ABHD3: variants seen among roughly 807,000 people sequenced by gnomAD.
ABHD3 encodes phospholipase ABHD3.
In ABHD3, 46 loss-of-function variants were observed where a neutral mutation model predicts 48.8. That is an observed-to-expected ratio of 0.94 (90% CI 0.74 to 1.20). The LOEUF (loss-of-function observed/expected upper bound fraction) is 1.20, where lower values mean the gene tolerates loss of function less well. Ranked by LOEUF, ABHD3 falls within the 50% of genes most tolerant of loss-of-function variation. ABHD3 has a pLI of 0.00. For synonymous variants in ABHD3, 192 were observed against 183.7 expected (o/e 1.04, Z -0.36); for missense variants, 490 against 497.8 (o/e 0.98, Z 0.15).
At position 21,656,902 on chromosome 18, in the gene ABHD3, A is replaced by C; in HGVS notation, c.1016T>G (p.Leu339Trp). Reference protein sequence around the residue: ...PRLKSVGIPVLCLNSVDDVFS... With the variant: ...PRLKSVGIPVWCLNSVDDVFS... ...AACATCATCCACAGAATTTAGACAC[A>C]ATACTGGAATTCCTACTGACTTCAG... Residue 339 changes from leucine to tryptophan, a missense_variant, in exon 8 of 9, where the codon TTG becomes TGG. Coordinates refer to ENST00000289119, the MANE Select transcript of ABHD3 (RefSeq NM_138340.5). 6.2e-7 allele frequency: 1 copy of C among 1,612,664 alleles called. No homozygotes were observed. The highest frequency in any genetic ancestry group is 1.3e-5 in the African/African-American group (1 of 75,020).
chr18:21,691,065 T>C (rs1437859528), intron 3 of ABHD3, among the ~76,000 whole-genome samples: 2 of 145,406 alleles, frequency 1.4e-5, no homozygotes, highest in Non-Finnish European at 3.0e-5. Flanking sequence ...TTAAATACAA[T>C]GACATAGATA....
chr18:21,655,435 T>C (rs1033322950), intron 8 of ABHD3, among the ~76,000 whole-genome samples: 2 of 151,850 alleles, frequency 1.3e-5, no homozygotes, highest in Admixed American at 6.6e-5. Flanking sequence ...TACAGGCACA[T>C]GCCACCATGC....
Position 21,669,719 on chromosome 18 carries a change from GGC to G in ABHD3, c.556-5491_556-5490del, listed in dbSNP as rs762545826. On this transcript the variant is annotated intron_variant, in intron 4 of 8. Coordinates refer to ENST00000289119, the MANE Select transcript of ABHD3 (RefSeq NM_138340.5). The stretch of plus-strand genomic sequence containing the variant: ...CCTAACTTCCCATTTCCCTATAAAT[GGC>G]ACTTATATTTTCCTAGTTAAAATTG... Among the ~76,000 whole-genome samples, 12 of 152,188 alleles carry G rather than the reference GGC, an allele frequency of 7.9e-5. No individual in the cohort carries two copies. The East Asian group carries it at 2.3e-3, about 29-fold the overall frequency.
At chr18:21,696,341 G>C (rs2146334073) in intron 3 of ABHD3, among the ~76,000 whole-genome samples, 1 of 152,120 alleles carries the variant, frequency 6.6e-6, no homozygotes, top group South Asian at 2.1e-4. Flanking sequence ...AGTAGAGACA[G>C]GGTTTCACCG....
chr18:21,676,805 A>C (rs2039895034), intron 4 of ABHD3, among the ~76,000 whole-genome samples: 1 of 151,764 alleles, frequency 6.6e-6, no homozygotes, highest in African/African-American at 2.4e-5. Context: ...GCTTTAAATT[A>C]TTTTCCAGCT....
At chr18:21,668,200 C>CAAAAAAAAAAAAAAAAAAAAAAAAAAA (rs747590942) in intron 4 of ABHD3, among the ~76,000 whole-genome samples, 3 of 61,332 alleles carry the variant, frequency 4.9e-5, no homozygotes, top group African/African-American at 1.5e-4. Context: ...GAATCTATCT[C>CAAAAAAAAAAAAAAAAAAAAAAAAAAA]AAAAAAAAAA....
intron 8 of ABHD3, chr18:21,654,804 T>C (rs536706054): frequency 9.8e-5 from 15 of 152,324 alleles, no homozygotes; most frequent in Admixed American, 6.5e-4. Flanking sequence ...CTGCAGACAA[T>C]TGTCCACTAT....
At chr18:21,694,960 C>A (rs2040335505) in intron 3 of ABHD3, among the ~76,000 whole-genome samples, 1 of 152,206 alleles carries the variant, frequency 6.6e-6, no homozygotes, top group African/African-American at 2.4e-5. Flanking sequence ...CTCCCAATAT[C>A]CATCCTTCCC....
intron 5 of ABHD3, among the ~76,000 whole-genome samples, chr18:21,659,962 C>CT (rs60634505): frequency 0.019 from 1,383 of 73,844 alleles, 18 homozygotes; most frequent in Non-Finnish European, 0.024. Context: ...TGCACCCGGC[C>CT]TTTTTTTTTT....
At chr18:21,663,809 G>A (rs1203099613) in intron 5 of ABHD3, 9 of 1,531,918 alleles carry the variant, frequency 5.9e-6, no homozygotes, top group South Asian at 2.4e-5. Context: ...CTGGGAGTGC[G>A]TCAGGAATCA....
In ABHD3 at chr18:21,700,074, TTTTA is replaced by T. The variant is rs1341500083; in HGVS notation, c.509+2238_509+2241del. On this transcript the variant is annotated intron_variant, in intron 3 of 8. Coordinates refer to ENST00000289119, the MANE Select transcript of ABHD3 (RefSeq NM_138340.5). ...AGTCCTTGAGTTTCAACCACATTGTTTTTATTTATTTATTTTTATTTATTTATTT... is the reference window on the plus strand; with the variant it reads ...AGTCCTTGAGTTTCAACCACATTGTTTTTATTTATTTTTATTTATTTATTT... Among the ~76,000 whole-genome samples the T allele has an allele frequency of 4.0e-5, 6 of 151,488 alleles. 1 individual carries two copies. Among genetic ancestry groups the T allele is most frequent in the South Asian group, 4.1e-4 (2 of 4,820 alleles).
intron 8 of ABHD3, among the ~76,000 whole-genome samples, chr18:21,652,561 G>A (rs950786107): frequency 6.6e-6 from 1 of 152,000 alleles, no homozygotes; most frequent in Admixed American, 6.6e-5. Flanking sequence ...TGGATCACGA[G>A]GTCAAGAGAT....
At chr18:21,704,162 C>G (rs534298088) in intron 1 of ABHD3, among the ~76,000 whole-genome samples, 145 of 152,380 alleles carry the variant, frequency 9.5e-4, no homozygotes, top group Non-Finnish European at 1.9e-3. Context: ...GCTGAGATTA[C>G]AGGCGTGAGC....
At chr18:21,665,841 C>T (rs1036180524) in intron 4 of ABHD3, among the ~76,000 whole-genome samples, 3 of 150,476 alleles carry the variant, frequency 2.0e-5, no homozygotes, top group East Asian at 2.0e-4. Flanking sequence ...AGGGGCTTTT[C>T]AATAGTGTAC....
intron 5 of ABHD3, among the ~76,000 whole-genome samples, chr18:21,663,264 T>C (rs2039543768): frequency 6.6e-6 from 1 of 152,120 alleles, no homozygotes; most frequent in Non-Finnish European, 1.5e-5. Flanking sequence ...TTTCAAGTGA[T>C]TCATGTTCAA....
At chr18:21,678,121 C>A (rs2039928323) in intron 4 of ABHD3, among the ~76,000 whole-genome samples, 1 of 151,934 alleles carries the variant, frequency 6.6e-6, no homozygotes, top group Admixed American at 6.6e-5. Context: ...CCACACTTGG[C>A]TATTTTTTGT....
intron 4 of ABHD3, chr18:21,683,500 GA>G: frequency 2.0e-6 from 1 of 509,664 alleles, no homozygotes. Context: ...AATTTTTAAG[GA>G]AAATGTGTTT....
chr18:21,660,718 A>T (rs1430789924), intron 5 of ABHD3, among the ~76,000 whole-genome samples: 3 of 152,154 alleles, frequency 2.0e-5, no homozygotes, highest in Non-Finnish European at 4.4e-5. Context: ...GAAGTTTTAG[A>T]TGGAAAGTGG....
At chr18:21,677,830 C>T (rs533672361) in intron 4 of ABHD3, among the ~76,000 whole-genome samples, 4 of 152,026 alleles carry the variant, frequency 2.6e-5, no homozygotes, top group East Asian at 1.9e-4. Flanking sequence ...ACTACAGGCA[C>T]GCACCACCAC....
Sources: gnomAD v4.1 joint callset for allele counts (sites outside exome capture counted in the v4.1 genomes callset) on GRCh38, gnomAD v4.1.1 for gene constraint, MANE v1.5 for transcripts, NCBI Gene and HGNC (gene_info 2026-07-23, HGNC 2026-07-21) for gene names.